Variants in HMSD observed in about 807,000 individuals in gnomAD.
HMSD encodes the protein serpin-like protein HMSD.
In HMSD, 13 loss-of-function variants were observed where a neutral mutation model predicts 10.0. That is an observed-to-expected ratio of 1.31 (90% CI 0.85 to 2.08). The LOEUF (loss-of-function observed/expected upper bound fraction) is 2.08, where lower values mean the gene tolerates loss of function less well. Ranked by LOEUF, HMSD falls within the 30% of genes most tolerant of loss-of-function variation. The pLI is 0.00. For synonymous variants in HMSD, 51 were observed against 54.2 expected (o/e 0.94, Z 0.26); for missense variants, 169 against 166.3 (o/e 1.02, Z -0.09).
intron 1 of HMSD, among the ~76,000 whole-genome samples, chr18:63,950,519 G>A (rs535877907): frequency 2.6e-4 from 39 of 149,476 alleles, no homozygotes; most frequent in Middle Eastern, 3.6e-3. Flanking sequence ...ATTCATATAC[G>A]ACTGCTGTGT....
chr18:63,966,544 C>G (rs568006656), downstream of HMSD: 4 of 152,334 alleles, frequency 2.6e-5, no homozygotes, highest in South Asian at 8.3e-4. Context: ...TACAGCAAAA[C>G]AGCACCACAG....
chr18:63,957,182 T>C (rs1406038216), intron 3 of HMSD, among the ~76,000 whole-genome samples: 1 of 152,090 alleles, frequency 6.6e-6, no homozygotes, highest in Non-Finnish European at 1.5e-5. Context: ...AACATGAAAT[T>C]TGCCTATATA....
chr18:63,953,255 A>T (rs1209653485), intron 1 of HMSD, 99 bp from the exon 2 acceptor site: 2 of 513,150 alleles, frequency 3.9e-6, no homozygotes, highest in Non-Finnish European at 7.1e-6. Context: ...TTGTTCAATG[A>T]AAACAAGTAT....
At chr18:63,963,070 TC>T (rs773061357), downstream of HMSD, among the ~76,000 whole-genome samples, 228 of 97,038 alleles carry the variant, frequency 2.3e-3, 1 homozygote, top group Middle Eastern at 0.015. Flanking sequence ...TTCTTTTCTT[TC>T]TCTTTCTTTC....
chr18:63,965,437 A>AT (rs2050405575), downstream of HMSD, among the ~76,000 whole-genome samples: 1 of 152,212 alleles, frequency 6.6e-6, no homozygotes, highest in East Asian at 1.9e-4. Context: ...ATTCTTTGTC[A>AT]CTTAATACTT....
At chr18:63,967,024 T>C (rs1006852481) in intron 3 of HMSD, among the ~76,000 whole-genome samples, 2 of 152,258 alleles carry the variant, frequency 1.3e-5, no homozygotes, top group African/African-American at 2.4e-5. Context: ...CCAGGGAAGA[T>C]TGCTGGGAAT....
downstream of HMSD, among the ~76,000 whole-genome samples, chr18:63,963,071 CTCTTTCTTTCTTTCTTTCTTTCTTTCTT>C (rs58573319): frequency 3.2e-3 from 341 of 105,020 alleles, no homozygotes; most frequent in Non-Finnish European, 4.1e-3. Context: ...TCTTTTCTTT[CTCTTTCTTTCTTTCTTTCTTTCTTTCTT>C]TCTTTCTTTC....
downstream of HMSD, among the ~76,000 whole-genome samples, chr18:63,964,703 G>T (rs1219792796): frequency 6.6e-6 from 1 of 152,182 alleles, no homozygotes; most frequent in Non-Finnish European, 1.5e-5. Flanking sequence ...ATGTTCACAT[G>T]GCAGGGAGAG....
chr18:63,963,081 CTTTCTT>C (rs1568261276), downstream of HMSD, among the ~76,000 whole-genome samples: 2,545 of 78,120 alleles, frequency 0.033, 27 homozygotes, highest in Middle Eastern at 0.04. Context: ...CTCTTTCTTT[CTTTCTT>C]TCTTTCTTTC....
intron 1 of HMSD, among the ~76,000 whole-genome samples, chr18:63,950,388 C>A (rs2050323052): frequency 7.9e-6 from 1 of 125,872 alleles, no homozygotes; most frequent in Non-Finnish European, 1.6e-5. Context: ...TGCACTCCAG[C>A]CTGAGGGACA....
At chr18:63,963,910 C>T (rs1334765264), downstream of HMSD, among the ~76,000 whole-genome samples, 2 of 152,212 alleles carry the variant, frequency 1.3e-5, no homozygotes, top group African/African-American at 4.8e-5. Context: ...TCAGTGTAGG[C>T]ACCCAGCAGC....
At chr18:63,957,657 G>A (rs1016086504) in intron 3 of HMSD, among the ~76,000 whole-genome samples, 2 of 152,220 alleles carry the variant, frequency 1.3e-5, no homozygotes, top group African/African-American at 4.8e-5. Context: ...GCACTATTTA[G>A]TTTATTGCCA....
chr18:63,965,387 T>TA (rs1427182198), downstream of HMSD, among the ~76,000 whole-genome samples: 4 of 152,336 alleles, frequency 2.6e-5, no homozygotes, highest in East Asian at 7.7e-4. Context: ...CACGAAAAGA[T>TA]ACGTTTAGAA....
intron 1 of HMSD, among the ~76,000 whole-genome samples, chr18:63,951,292 A>G (rs966251782): frequency 6.6e-6 from 1 of 152,238 alleles, no homozygotes; most frequent in African/African-American, 2.4e-5. Flanking sequence ...TGTGCTTTAA[A>G]GTTTAAGGAA....
At chr18:63,951,513 A>G (rs1465570793) in intron 1 of HMSD, among the ~76,000 whole-genome samples, 1 of 152,264 alleles carries the variant, frequency 6.6e-6, no homozygotes, top group African/African-American at 2.4e-5. Flanking sequence ...GAGCATACGA[A>G]GAAATTACTG....
intron 3 of HMSD, 149 bp downstream of exon 3, chr18:63,954,706 T>G: frequency 1.5e-6 from 1 of 647,958 alleles, no homozygotes. Flanking sequence ...AGTTTGATCA[T>G]CTGTAGCACA....
chr18:63,960,469 G>C lies in HMSD; in HGVS notation c.*114G>C, dbSNP rs1252755955. On this transcript the variant is annotated 3_prime_UTR_variant, in exon 4 of 4. Transcript: ENST00000408945. ...TTAGCTTTTCCCTTATCAAGTATCTGTGATGTCTCTCTAGATGAAATAATC... is the reference window on the plus strand; with the variant it reads ...TTAGCTTTTCCCTTATCAAGTATCTCTGATGTCTCTCTAGATGAAATAATC... 1 of 1,389,828 alleles carries C rather than the reference G, an allele frequency of 7.2e-7. No homozygotes were observed. Among genetic ancestry groups the C allele is most frequent in the Non-Finnish European group, 9.5e-7 (1 of 1,055,438 alleles). 86.1% of individuals were successfully genotyped at this position (1,389,828 alleles called of 1,614,324 possible).
At chr18:63,952,918 C>T (rs2050338548) in intron 1 of HMSD, among the ~76,000 whole-genome samples, 2 of 152,184 alleles carry the variant, frequency 1.3e-5, no homozygotes, top group Admixed American at 6.5e-5. Context: ...ACCTATTTTA[C>T]CAGTATTGGA....
Position 63,954,287 on chromosome 18 carries a change from A to T in HMSD, c.73-121A>T, listed in dbSNP as rs555563182. The T allele has an allele frequency of 3.7e-4, 261 of 714,996 alleles. 2 individuals carry two copies. In the African/African-American group the frequency reaches 4.2e-3, roughly 11 times the overall value. The allele number at this position is 714,996 out of a possible 1,614,324, so 44.3% of individuals were successfully genotyped here. The stretch of plus-strand genomic sequence containing the variant: ...ACACTCTCTATCTTTTATTAGATTG[A>T]TCATCTTTTAAGCTGTAGTAAGCAT... On this transcript the variant is annotated intron_variant, in intron 2 of 3. Transcript: ENST00000408945.
Sources: allele counts gnomAD v4.1 joint callset (sites outside exome capture counted in the v4.1 genomes callset), GRCh38; gene constraint gnomAD v4.1.1; transcripts MANE v1.5; gene names NCBI Gene and HGNC (gene_info 2026-07-23, HGNC 2026-07-21).